The following KIAA1549L variants were observed in gnomAD, a reference collection of about 807,000 sequenced individuals.
KIAA1549L encodes the protein UPF0606 protein KIAA1549L.
In KIAA1549L, 88 loss-of-function variants were observed where a neutral mutation model predicts 160.7. That is an observed-to-expected ratio of 0.55 (90% confidence interval 0.46 to 0.65). KIAA1549L has a LOEUF of 0.65. Among genes scored for constraint, KIAA1549L ranks in the 30% least tolerant of loss-of-function variants. The pLI is 0.00. For synonymous variants in KIAA1549L, 950 were observed against 976.7 expected, an observed-to-expected ratio of 0.97 and a Z score of 0.51; for missense variants, 2,258 against 2,437.5, an observed-to-expected ratio of 0.93 and a Z score of 1.55.
intron 1 of KIAA1549L, among the ~76,000 whole-genome samples, chr11:33,457,537 G>A (rs1009746939): frequency 2.6e-5 from 4 of 152,204 alleles, no homozygotes; most frequent in Middle Eastern, 3.2e-3. Flanking sequence ...CCAGGGGTTC[G>A]TGGTATTTCA....
intron 6 of KIAA1549L, among the ~76,000 whole-genome samples, chr11:33,557,700 A>G (rs1854694960): frequency 6.6e-6 from 1 of 152,214 alleles, no homozygotes; most frequent in Admixed American, 6.5e-5. Flanking sequence ...TAGCCTGGGC[A>G]ACAAAGTGAG....
chr11:33,514,441 A>T (rs1204449140), intron 1 of KIAA1549L, among the ~76,000 whole-genome samples: 1 of 152,192 alleles, frequency 6.6e-6, no homozygotes, highest in Non-Finnish European at 1.5e-5. Flanking sequence ...TTTTCCATCA[A>T]CATTTTCATT....
chr11:33,496,266 A>G (rs985411472), intron 1 of KIAA1549L, among the ~76,000 whole-genome samples: 3 of 152,104 alleles, frequency 2.0e-5, no homozygotes, highest in African/African-American at 7.2e-5. Context: ...CCCAGCCACC[A>G]CTTAAGAATG....
chr11:33,665,677 C>T (rs1006334673), intron 20 of KIAA1549L: 4 of 152,516 alleles, frequency 2.6e-5, no homozygotes, highest in African/African-American at 7.2e-5. Flanking sequence ...TCAGGCCCCC[C>T]CTGGCCTTCT....
chr11:33,469,878 C>T (rs1293572610), intron 1 of KIAA1549L, among the ~76,000 whole-genome samples: 2 of 152,146 alleles, frequency 1.3e-5, no homozygotes, highest in Admixed American at 6.5e-5. Flanking sequence ...TTTGTCTTTT[C>T]ATTGCTTAAC....
intron 1 of KIAA1549L, among the ~76,000 whole-genome samples, chr11:33,450,129 T>G (rs1050068161): frequency 6.6e-6 from 1 of 152,212 alleles, no homozygotes; most frequent in Non-Finnish European, 1.5e-5. Flanking sequence ...AACACCTCAT[T>G]TAGTTATAAC....
intron 1 of KIAA1549L, among the ~76,000 whole-genome samples, chr11:33,382,037 G>A (rs1304134598): frequency 6.6e-6 from 1 of 152,162 alleles, no homozygotes; most frequent in Non-Finnish European, 1.5e-5. Context: ...GTTGAACAAA[G>A]TAGTCTGGAA....
At chr11:33,505,728 G>GT (rs1389303785) in intron 1 of KIAA1549L, among the ~76,000 whole-genome samples, 1 of 152,180 alleles carries the variant, frequency 6.6e-6, no homozygotes, top group Non-Finnish European at 1.5e-5. Context: ...GTAACAATTA[G>GT]TAAAAAGGAG....
chr11:33,609,885 A>T lies in KIAA1549L; in HGVS notation c.5198A>T (p.Tyr1733Phe), dbSNP rs557094122. The stretch of plus-strand genomic sequence containing the variant: ...GGTCTGACCGAAAGAAAGAAGATGT[A>T]TGAAAAAGCCCCGAAGGAAATGGAG... ...SKGLTERKKMYEKAPKEMEHV... is the reference protein window; with the variant it reads ...SKGLTERKKMFEKAPKEMEHV... Residue 1733 changes from tyrosine (Y) to phenylalanine (F), a missense_variant, in exon 15 of 21, where the codon TAT becomes TTT. Transcript: ENST00000658780. The T allele has an allele frequency of 3.7e-6, 6 of 1,614,008 alleles. No individual in the cohort carries two copies. The highest frequency in any genetic ancestry group is 5.1e-6 in the Non-Finnish European group (6 of 1,179,870).
intron 12 of KIAA1549L, among the ~76,000 whole-genome samples, chr11:33,592,837 A>T (rs540243153): frequency 1.3e-5 from 2 of 152,190 alleles, no homozygotes; most frequent in Non-Finnish European, 2.9e-5. Flanking sequence ...TTTGAGAAAG[A>T]CCTGATTGAG....
At position 33,624,934 on chromosome 11, in the gene KIAA1549L, G is replaced by C. The variant is rs1470387595; in HGVS notation, c.5409+6272G>C. Reference sequence around the variant, plus strand: ...TCCCCCCACCCCACAACAGTCCCCAGAGTGTGATGTTCCCCTTTCTGTGTC... The same window carrying C: ...TCCCCCCACCCCACAACAGTCCCCACAGTGTGATGTTCCCCTTTCTGTGTC... On this transcript the variant is annotated intron_variant, in intron 16 of 20. Transcript: ENST00000658780. Among the ~76,000 whole-genome samples the C allele has an allele frequency of 3.3e-5, 4 of 121,012 alleles. No homozygotes were observed. In the East Asian group the frequency reaches 9.6e-4, roughly 29 times the overall value. 79.4% of individuals were successfully genotyped at this position (121,012 alleles called of 152,430 possible). A position where few individuals can be genotyped will look rare whatever the true frequency, so the allele number is the denominator to read the frequency against.
At chr11:33,497,158 AC>A (rs1852840385) in intron 1 of KIAA1549L, among the ~76,000 whole-genome samples, 1 of 152,120 alleles carries the variant, frequency 6.6e-6, no homozygotes, top group Non-Finnish European at 1.5e-5. Flanking sequence ...AGCACTTACC[AC>A]TTTTGGGTCC....
At chr11:33,544,490 T>A (rs966239562) in intron 2 of KIAA1549L, 154 bp downstream of exon 2, 5 of 830,166 alleles carry the variant, frequency 6.0e-6, no homozygotes, top group Non-Finnish European at 5.6e-6. Context: ...TAGCCCCAAG[T>A]AGTCACCTCA....
At chr11:33,647,836 G>A (rs1255088957) in intron 17 of KIAA1549L, among the ~76,000 whole-genome samples, 6 of 151,936 alleles carry the variant, frequency 3.9e-5, no homozygotes, top group African/African-American at 1.2e-4. Flanking sequence ...AACTTAAATG[G>A]TTCTGCTTAT....
At chr11:33,621,341 C>T (rs1850953371) in intron 16 of KIAA1549L, among the ~76,000 whole-genome samples, 1 of 152,132 alleles carries the variant, frequency 6.6e-6, no homozygotes, top group African/African-American at 2.4e-5. Context: ...CAATCTTCAA[C>T]CTTTTGGTCA....
Position 33,661,013 on chromosome 11 carries a change from C to G in KIAA1549L, c.6158C>G (p.Ser2053Trp). 1.2e-6 allele frequency: 2 copies of G among 1,607,138 alleles called. No individual in the cohort carries two copies. Among genetic ancestry groups the G allele is most frequent in the South Asian group, 1.1e-5 (1 of 89,630 alleles). The change falls in exon 20 of 21, where the codon TCG (serine) becomes TGG (tryptophan). Residue 2053 changes from serine to tryptophan, a missense_variant and splice_region_variant. Physicochemically the swap from Ser to Trp is radical, Grantham distance 177. This residue lies in a region of KIAA1549L where 1,359 missense variants were observed against 1,546.6 expected (regional missense o/e 0.88). Transcript: ENST00000658780. ...GAGCTCCCGAGCCAGTGGGCAGATTCGGTGAGACCCTTGCTCTTCACCTCA... is the reference window on the plus strand; with the variant it reads ...GAGCTCCCGAGCCAGTGGGCAGATTGGGTGAGACCCTTGCTCTTCACCTCA... ...ENELPSQWAD[S>W]VPLPGYIEAY...
At chr11:33,423,767 C>T (rs1227739506) in intron 1 of KIAA1549L, among the ~76,000 whole-genome samples, 1 of 152,194 alleles carries the variant, frequency 6.6e-6, no homozygotes, top group East Asian at 1.9e-4. Flanking sequence ...GTGGCTCATG[C>T]CTGTAATTCG....
At chr11:33,414,192 T>C (rs1289568520) in intron 1 of KIAA1549L, among the ~76,000 whole-genome samples, 1 of 152,218 alleles carries the variant, frequency 6.6e-6, no homozygotes, top group Non-Finnish European at 1.5e-5. Flanking sequence ...GTTATGAAGA[T>C]CATTATAAAT....
At chr11:33,478,739 T>C (rs764295927) in intron 1 of KIAA1549L, among the ~76,000 whole-genome samples, 1 of 152,178 alleles carries the variant, frequency 6.6e-6, no homozygotes, top group African/African-American at 2.4e-5. Flanking sequence ...TTTTTTAAAT[T>C]ATTATTATTA....
Sources: gnomAD v4.1 joint callset for allele counts (sites outside exome capture counted in the v4.1 genomes callset) on GRCh38, gnomAD v4.1.1 for gene constraint, gnomAD v4.1.1 regional missense constraint, MANE v1.5 for transcripts, NCBI Gene and HGNC (gene_info 2026-07-23, HGNC 2026-07-21) for gene names.